UBE2U: variants seen among roughly 807,000 people sequenced by gnomAD.
UBE2U encodes the protein ubiquitin-conjugating enzyme E2 U.
UBE2U carries 39 observed loss-of-function variants against 41.2 expected under a neutral mutation model. The observed-to-expected ratio is 0.95, with a 90% confidence interval of 0.73 to 1.24. UBE2U has a LOEUF of 1.24. Ranked by LOEUF, UBE2U falls within the 50% of genes most tolerant of loss-of-function variation. The probability of loss-of-function intolerance (pLI) is 0.00; values close to 1 mark genes in which losing one functional copy is unlikely to be tolerated. For synonymous variants in UBE2U, 107 were observed against 117.8 expected, an observed-to-expected ratio of 0.91 and a Z score of 0.60; for missense variants, 336 against 363.1, an observed-to-expected ratio of 0.93 and a Z score of 0.61.
At chr1:64,225,620 G>T (rs540568178) in intron 6 of UBE2U, among the ~76,000 whole-genome samples, 2 of 152,344 alleles carry the variant, frequency 1.3e-5, no homozygotes, top group South Asian at 2.1e-4. Flanking sequence ...TGGTTGATCA[G>T]GGGCAAGACA....
intron 8 of UBE2U, chr1:64,244,388 G>A: frequency 1.8e-6 from 1 of 549,838 alleles, no homozygotes; most frequent in Non-Finnish European, 2.3e-6. Flanking sequence ...AATTAATATA[G>A]CATCACACAT....
chr1:64,235,607 T>C (rs1644650547), intron 7 of UBE2U, among the ~76,000 whole-genome samples: 1 of 152,342 alleles, frequency 6.6e-6, no homozygotes, highest in African/African-American at 2.4e-5. Context: ...GTTACATTCT[T>C]AGCATTAGAA....
intron 7 of UBE2U, among the ~76,000 whole-genome samples, chr1:64,239,080 G>A (rs10127528): frequency 0.015 from 826 of 54,240 alleles, 13 homozygotes; most frequent in Non-Finnish European, 0.023. Flanking sequence ...AAGAGGAAGA[G>A]GAAGAGGAAG....
chr1:64,242,528 A>G (rs1437424021), intron 8 of UBE2U, among the ~76,000 whole-genome samples: 3 of 152,218 alleles, frequency 2.0e-5, no homozygotes, highest in African/African-American at 7.2e-5. Flanking sequence ...CTAGATGGAA[A>G]TACACGATGA....
At chr1:64,208,812 T>G (rs1486965959) in intron 3 of UBE2U, among the ~76,000 whole-genome samples, 1 of 152,130 alleles carries the variant, frequency 6.6e-6, no homozygotes, top group Non-Finnish European at 1.5e-5. Context: ...TGCTATATCC[T>G]TAGAATCTTC....
chr1:64,235,587 A>G (rs1644650250), intron 7 of UBE2U, among the ~76,000 whole-genome samples: 1 of 152,140 alleles, frequency 6.6e-6, no homozygotes, highest in Non-Finnish European at 1.5e-5. Flanking sequence ...TAATAACTTC[A>G]TTTTCTACAG....
At chr1:64,208,767 G>A (rs1049819455) in intron 3 of UBE2U, among the ~76,000 whole-genome samples, 10 of 151,902 alleles carry the variant, frequency 6.6e-5, no homozygotes, top group African/African-American at 1.5e-4. Context: ...TAAACAGAAC[G>A]AGGAAGGTCT....
At chr1:64,230,488 C>T (rs1198944292) in intron 6 of UBE2U, among the ~76,000 whole-genome samples, 1 of 152,158 alleles carries the variant, frequency 6.6e-6, no homozygotes, top group Non-Finnish European at 1.5e-5. Flanking sequence ...GTCAATTGTT[C>T]TATAATTTCT....
intron 8 of UBE2U, among the ~76,000 whole-genome samples, chr1:64,255,182 A>C (rs1044262251): frequency 3.9e-5 from 6 of 152,114 alleles, no homozygotes; most frequent in Non-Finnish European, 7.4e-5. Context: ...GAAATGGATA[A>C]ATTTCTGGAC....
At chr1:64,229,061 A>G (rs1252405941) in intron 6 of UBE2U, among the ~76,000 whole-genome samples, 1 of 151,874 alleles carries the variant, frequency 6.6e-6, no homozygotes, top group Non-Finnish European at 1.5e-5. Flanking sequence ...GGGTTTCACC[A>G]TGTTGGCCAG....
intron 7 of UBE2U, among the ~76,000 whole-genome samples, chr1:64,232,974 G>T (rs1270953343): frequency 6.6e-6 from 1 of 150,778 alleles, no homozygotes; most frequent in Non-Finnish European, 1.5e-5. Context: ...AGGATTATAG[G>T]CAAAAGCCAC....
chr1:64,246,734 C>T (rs1459122195), intron 8 of UBE2U, among the ~76,000 whole-genome samples: 1 of 152,166 alleles, frequency 6.6e-6, no homozygotes, highest in Non-Finnish European at 1.5e-5. Flanking sequence ...TTCTTCAGTT[C>T]TAGCTTGTAT....
chr1:64,262,140 G>A (rs1271805492), intron 9 of UBE2U, among the ~76,000 whole-genome samples: 1 of 152,046 alleles, frequency 6.6e-6, no homozygotes, highest in Non-Finnish European at 1.5e-5. Context: ...TACTCTAAAT[G>A]CTCTTCTCTC....
intron 9 of UBE2U, among the ~76,000 whole-genome samples, chr1:64,261,007 G>A (rs912695305): frequency 6.6e-6 from 1 of 152,198 alleles, no homozygotes; most frequent in Admixed American, 6.5e-5. Context: ...AACACACAGA[G>A]CACTAATAAA....
intron 6 of UBE2U, among the ~76,000 whole-genome samples, 188 bp from the exon 7 acceptor site, chr1:64,232,373 G>A (rs905566737): frequency 1.3e-5 from 2 of 151,710 alleles, no homozygotes; most frequent in South Asian, 2.1e-4. Context: ...TTTCTTTTTC[G>A]TTATTTGTAT....
Position 64,241,751 on chromosome 1 carries a change from C to T in UBE2U, c.677+18C>T, listed in dbSNP as rs1029457713. ...AATTTAAAGTAAGAAATATGAAGTG[C>T]CTTGAATGTGTACATTAACTTGAAT... On this transcript the variant is annotated intron_variant, in intron 8 of 9. Coordinates refer to ENST00000371077, the MANE Select transcript of UBE2U (RefSeq NM_001366232.2). 1.9e-6 allele frequency: 3 copies of T among 1,569,734 alleles called. No individual in the cohort carries two copies. The highest frequency in any genetic ancestry group is 1.4e-5 in the African/African-American group (1 of 73,252).
chr1:64,208,603 CAAAAA>C (rs56972795), intron 3 of UBE2U, among the ~76,000 whole-genome samples: 2 of 36,464 alleles, frequency 5.5e-5, no homozygotes, highest in African/African-American at 2.5e-4. Flanking sequence ...GACGCTGTCT[CAAAAA>C]AAAAAAAAAA....
In UBE2U at chr1:64,250,587, C is replaced by T. The variant is rs1040613825; in HGVS notation, c.677+8854C>T. Among the ~76,000 whole-genome samples, 3 of 152,292 alleles carry T rather than the reference C, an allele frequency of 2.0e-5. No homozygotes were observed. The East Asian group carries it at 5.8e-4, about 29-fold the overall frequency. ...GGTATATACCCAAAGGATTATAAAT[C>T]ATGCTGCTATAAAGACACATGCACA... is the stretch of plus-strand genomic sequence containing the variant. On this transcript the variant is annotated intron_variant, in intron 8 of 9. Transcript: ENST00000371077.
At chr1:64,228,292 C>A (rs1179496018) in intron 6 of UBE2U, among the ~76,000 whole-genome samples, 1 of 152,180 alleles carries the variant, frequency 6.6e-6, no homozygotes, top group Non-Finnish European at 1.5e-5. Flanking sequence ...GAGGTGTGGT[C>A]AGTCCCATCA....
Sources: allele counts gnomAD v4.1 joint callset (sites outside exome capture counted in the v4.1 genomes callset), GRCh38; gene constraint gnomAD v4.1.1; transcripts MANE v1.5; gene names NCBI Gene and HGNC (gene_info 2026-07-23, HGNC 2026-07-21).